Variants in BCKDK observed in about 807,000 individuals in gnomAD.
BCKDK encodes the protein branched chain keto acid dehydrogenase kinase.
BCKDK carries 28 observed loss-of-function variants against 43.9 expected under a neutral mutation model. The ratio of observed to expected loss-of-function variants is 0.64; its 90% CI spans 0.47 to 0.87. BCKDK has a LOEUF of 0.87. Among genes scored for constraint, BCKDK ranks in the 40% least tolerant of loss-of-function variants. BCKDK has a pLI of 0.00. For missense variants in BCKDK, 483 were observed against 581.4 expected, an observed-to-expected ratio of 0.83 and a Z score of 1.74; for synonymous variants, 257 against 234.3, an observed-to-expected ratio of 1.10 and a Z score of -0.88.
chr16:31,117,398 A>AAATAAATAAATAAATAAATAAATTAATT (rs377332555), downstream of BCKDK: 18 of 234,266 alleles, frequency 7.7e-5, no homozygotes, highest in Admixed American at 5.6e-5. Flanking sequence ...ATAAATAAAT[A>AAATAAATAAATAAATAAATAAATTAATT]AATTAAAAAA....
rs1345974274 is a variant in BCKDK, at chr16:31,109,615, T to C, written c.264+36T>C. 3.7e-6 allele frequency: 6 copies of C among 1,613,766 alleles called. No individual in the cohort carries two copies. The highest frequency in any genetic ancestry group is 1.3e-5 in the African/African-American group (1 of 74,926). The stretch of plus-strand genomic sequence containing the variant: ...CGCCCTCTATTTTCCTCGTGGATCC[T>C]GGAGCTCTCCCAGACACTCAGGCTC... On this transcript the variant is annotated intron_variant, in intron 3 of 11. Coordinates refer to ENST00000219794, the MANE Select transcript of BCKDK (RefSeq NM_005881.4). This position sits in a 1 kb window ranked among gnomAD's most constrained non-coding sequence, Gnocchi z 5.3.
downstream of BCKDK, among the ~76,000 whole-genome samples, chr16:31,115,539 CT>C (rs543750810): frequency 4.0e-5 from 6 of 150,644 alleles, no homozygotes; most frequent in East Asian, 1.9e-4. Context: ...TCTTTCCCCC[CT>C]TTTTTTTTGA....
downstream of BCKDK, among the ~76,000 whole-genome samples, chr16:31,113,729 C>G (rs989933009): frequency 1.3e-5 from 2 of 152,216 alleles, no homozygotes; most frequent in African/African-American, 4.8e-5. Context: ...CCACCCCAGC[C>G]TCCCAAAGTG....
intron 10 of BCKDK, among the ~76,000 whole-genome samples, chr16:31,111,639 G>A (rs1386623938): frequency 1.3e-5 from 2 of 152,088 alleles, no homozygotes; most frequent in South Asian, 2.1e-4. Flanking sequence ...GTCAGGAGTC[G>A]GTCTAGGATG....
chr16:31,111,996 CAT>C lies in BCKDK; in HGVS notation c.1065_1066del (p.His355GlnfsTer157). 1 of 1,614,114 alleles carries C rather than the reference CAT, an allele frequency of 6.2e-7. No individual in the cohort carries two copies. The highest frequency in any genetic ancestry group is 8.5e-7 in the Non-Finnish European group (1 of 1,180,000). On this transcript the variant is annotated frameshift_variant, in exon 11 of 12. Transcript: ENST00000219794. LOFTEE classifies it high-confidence loss of function. ...CCCCCTCTTTGGCCATCTGGACATGCATAGTGGCGCCCAGTCAGGACCCATGC... is the reference window on the plus strand; with the variant it reads ...CCCCCTCTTTGGCCATCTGGACATGCAGTGGCGCCCAGTCAGGACCCATGC... ...ISPLFGHLDMHSGAQSGPMHG... is the reference protein window; with the variant it reads ...ISPLFGHLDMXSGAQSGPMHG...
chr16:31,108,879 G>A lies in BCKDK; in HGVS notation c.-177-168G>A. 5.3e-6 allele frequency: 1 copy of A among 187,752 alleles called. No homozygotes were observed. The highest frequency in any genetic ancestry group is 2.3e-5 in the African/African-American group (1 of 42,856). The allele number at this position is 187,752 out of a possible 1,614,324, so 11.6% of individuals were successfully genotyped here. A position where few individuals can be genotyped will look rare whatever the true frequency, so the allele number is the denominator to read the frequency against. On this transcript the variant is annotated intron_variant, in intron 1 of 11. Coordinates refer to ENST00000219794, the MANE Select transcript of BCKDK (RefSeq NM_005881.4). The surrounding 1 kb of genome is among the most constrained non-coding windows in gnomAD (Gnocchi z 6.2). Reference sequence around the variant, plus strand: ...TAGAGCCTCGGGTTGGGGAATAGAAGCCCCCGGGAGGCTAGGTCCTTTGGG... The same window carrying A: ...TAGAGCCTCGGGTTGGGGAATAGAAACCCCCGGGAGGCTAGGTCCTTTGGG...
chr16:31,116,562 G>A (rs146524806), downstream of BCKDK, among the ~76,000 whole-genome samples: 791 of 151,802 alleles, frequency 5.2e-3, 11 homozygotes, highest in African/African-American at 0.019. Flanking sequence ...GGACACACCC[G>A]TTCTGCTTTC....
At chr16:31,111,798 C>T (rs2057414183) in intron 10 of BCKDK, 71 bp from the exon 11 acceptor site, 2 of 1,576,704 alleles carry the variant, frequency 1.3e-6, no homozygotes, top group Non-Finnish European at 8.7e-7. Flanking sequence ...AGACTTTGCA[C>T]TGTCTGCTTG....
rs1297118707 is a variant in BCKDK at position 31,109,332 on chromosome 16, A to G, written c.109A>G (p.Thr37Ala). The G allele has an allele frequency of 1.9e-6, 3 of 1,610,096 alleles. No individual in the cohort carries two copies. The highest frequency in any genetic ancestry group is 3.3e-5 in the Admixed American group (2 of 59,826). Residue 37 changes from threonine to alanine, a missense_variant, in exon 2 of 12, where the codon ACA (threonine) becomes GCA (alanine). Thr to Ala is a moderately conservative substitution (Grantham distance 58, BLOSUM62 0). Transcript: ENST00000219794. This position sits in a 1 kb window ranked among gnomAD's most constrained non-coding sequence, Gnocchi z 5.3. ...LRARSTSATD[T>A]HHVEMARERS... ...GGCCCGCTCGACGTCGGCCACCGACACACACCACGTGGAGATGGCTCGGGA... is the reference window on the plus strand; with the variant it reads ...GGCCCGCTCGACGTCGGCCACCGACGCACACCACGTGGAGATGGCTCGGGA...
At position 31,109,850 on chromosome 16, in the gene BCKDK, C is replaced by T. The variant is rs2057395901; in HGVS notation, c.375+67C>T. The stretch of plus-strand genomic sequence containing the variant: ...CGGGGGCAAGTGGGGAGTCTGGGGC[C>T]CAGAGTGGCAGACGATTGCTTGCCT... On this transcript the variant is annotated intron_variant, in intron 4 of 11. Coordinates refer to ENST00000219794, the MANE Select transcript of BCKDK (RefSeq NM_005881.4). This position sits in a 1 kb window ranked among gnomAD's most constrained non-coding sequence, Gnocchi z 5.3. The T allele has an allele frequency of 6.5e-7, 1 of 1,533,808 alleles. No homozygotes were observed. The highest frequency in any genetic ancestry group is 9.0e-7 in the Non-Finnish European group (1 of 1,109,754).
At position 31,109,118 on chromosome 16, in the gene BCKDK, A is replaced by G; in HGVS notation, c.-106A>G. On this transcript the variant is annotated 5_prime_UTR_variant, in exon 2 of 12. Transcript: ENST00000219794. The surrounding 1 kb of genome is among the most constrained non-coding windows in gnomAD (Gnocchi z 5.3). ...ACCCTGGTCCCTGAAGTCGGAGAAG[A>G]GCCCCTACCCACCCACACCCCCTTG... The G allele has an allele frequency of 1.0e-6, 1 of 1,003,260 alleles. No homozygotes were observed. The highest frequency in any genetic ancestry group is 2.2e-5 in the South Asian group (1 of 46,204). 62.1% of individuals were successfully genotyped at this position (1,003,260 alleles called of 1,614,324 possible). A position where few individuals can be genotyped will look rare whatever the true frequency, so the allele number is the denominator to read the frequency against.
downstream of BCKDK, among the ~76,000 whole-genome samples, chr16:31,117,052 G>A (rs1414042952): frequency 6.6e-6 from 1 of 151,532 alleles, no homozygotes; most frequent in Non-Finnish European, 1.5e-5. Flanking sequence ...GCACATCTTG[G>A]CTTCCGCAGG....
chr16:31,114,291 C>A (rs1320728025), downstream of BCKDK, among the ~76,000 whole-genome samples: 1 of 32,804 alleles, frequency 3.0e-5, no homozygotes, highest in Non-Finnish European at 8.5e-5. Context: ...CTCCGCCCCA[C>A]CCCCCCCCAA....
chr16:31,109,629 A>G lies in BCKDK; in HGVS notation c.265-44A>G. The G allele has an allele frequency of 6.2e-7, 1 of 1,613,682 alleles. No individual in the cohort carries two copies. Among genetic ancestry groups the G allele is most frequent in the Non-Finnish European group, 8.5e-7 (1 of 1,179,710 alleles). On this transcript the variant is annotated intron_variant, in intron 3 of 11. Transcript: ENST00000219794. This position sits in a 1 kb window ranked among gnomAD's most constrained non-coding sequence, Gnocchi z 5.3. ...CTCGTGGATCCTGGAGCTCTCCCAGACACTCAGGCTCCAGCCCCGCCTTCC... is the reference window on the plus strand; with the variant it reads ...CTCGTGGATCCTGGAGCTCTCCCAGGCACTCAGGCTCCAGCCCCGCCTTCC...
At position 31,109,176 on chromosome 16, in the gene BCKDK, A is replaced by G; in HGVS notation, c.-48A>G. The G allele has an allele frequency of 2.1e-6, 3 of 1,458,994 alleles. No homozygotes were observed. The highest frequency in any genetic ancestry group is 1.4e-5 in the South Asian group (1 of 69,448). The allele number at this position is 1,458,994 out of a possible 1,614,324, so 90.4% of individuals were successfully genotyped here. A position where few individuals can be genotyped will look rare whatever the true frequency, so the allele number is the denominator to read the frequency against. On this transcript the variant is annotated 5_prime_UTR_variant, in exon 2 of 12. Coordinates refer to ENST00000219794, the MANE Select transcript of BCKDK (RefSeq NM_005881.4). This position sits in a 1 kb window ranked among gnomAD's most constrained non-coding sequence, Gnocchi z 5.3. Reference sequence around the variant, plus strand: ...TTGGGTCGCCTGGGTCCTCAGTCCTAGCGGATCCTCAGTCCTAGCGGCCAC... The same window carrying G: ...TTGGGTCGCCTGGGTCCTCAGTCCTGGCGGATCCTCAGTCCTAGCGGCCAC...
Position 31,112,385 on chromosome 16 carries a change from C to A in BCKDK, c.*120C>A. 6.8e-7 allele frequency: 1 copy of A among 1,478,856 alleles called. No individual in the cohort carries two copies. Among genetic ancestry groups the A allele is most frequent in the South Asian group, 1.2e-5 (1 of 86,040 alleles). The allele number at this position is 1,478,856 out of a possible 1,614,324, so 91.6% of individuals were successfully genotyped here. ...TGCTGCATCTTGGGTCTCAGGGACC[C>A]AGACAGATGGACTTACATGGAGCTG... On this transcript the variant is annotated 3_prime_UTR_variant, in exon 12 of 12. Coordinates refer to ENST00000219794, the MANE Select transcript of BCKDK (RefSeq NM_005881.4). This position sits in a 1 kb window ranked among gnomAD's most constrained non-coding sequence, Gnocchi z 5.0.
chr16:31,112,087 A>G lies in BCKDK; in HGVS notation c.1095-34A>G, dbSNP rs770711315. 1 of 1,609,570 alleles carries G rather than the reference A, an allele frequency of 6.2e-7. No homozygotes were observed. The highest frequency in any genetic ancestry group is 8.5e-7 in the Non-Finnish European group (1 of 1,177,522). ...GGACCCCAGGAGACTCAAGCCTCTG[A>G]AGCCTCCTGTCCTGTCCCCCTGCCC... On this transcript the variant is annotated intron_variant, in intron 11 of 11. Transcript: ENST00000219794. The surrounding 1 kb of genome is among the most constrained non-coding windows in gnomAD (Gnocchi z 5.0).
chr16:31,114,880 A>G (rs1262176168), downstream of BCKDK, among the ~76,000 whole-genome samples: 3 of 151,608 alleles, frequency 2.0e-5, no homozygotes, highest in Non-Finnish European at 4.4e-5. Flanking sequence ...GCATCCTTAC[A>G]ATATTTCCTT....
Position 31,109,545 on chromosome 16 carries a change from A to G in BCKDK, c.230A>G (p.Tyr77Cys). The change falls in exon 3 of 12, where the codon TAC becomes TGC. Residue 77 changes from tyrosine (Y) to cysteine (C), a missense_variant. Coordinates refer to ENST00000219794, the MANE Select transcript of BCKDK (RefSeq NM_005881.4). This position sits in a 1 kb window ranked among gnomAD's most constrained non-coding sequence, Gnocchi z 5.3. The part of the protein sequence containing the change: ...SVRLTPTMML[Y>C]AGRSQDGSHL... ...CGCCTAACGCCCACCATGATGCTCT[A>G]CGCTGGCCGCTCTCAGGACGGCAGC... is the stretch of plus-strand genomic sequence containing the variant. 6.2e-7 allele frequency: 1 copy of G among 1,614,072 alleles called. No individual in the cohort carries two copies.
Sources: gnomAD v4.1 joint callset for allele counts (sites outside exome capture counted in the v4.1 genomes callset) on GRCh38, gnomAD v4.1.1 for gene constraint, Gnocchi (gnomAD v3.1) non-coding constraint, MANE v1.5 for transcripts, NCBI Gene and HGNC (gene_info 2026-07-23, HGNC 2026-07-21) for gene names.